Variants in PTPRS observed in about 807,000 individuals in gnomAD.
The protein encoded by PTPRS is protein tyrosine phosphatase receptor type S, also known as receptor-type tyrosine-protein phosphatase S.
PTPRS carries 63 observed loss-of-function variants against 215.3 expected under a neutral mutation model. The ratio of observed to expected loss-of-function variants is 0.29; its 90% confidence interval spans 0.24 to 0.36. The LOEUF is 0.36. PTPRS is among the 10% of genes least tolerant of loss of function. PTPRS has a pLI of 1.00. For missense variants in PTPRS, 2,258 were observed against 2,825.8 expected (o/e 0.80, Z 4.56); for synonymous variants, 1,404 against 1,191.4 (o/e 1.18, Z -3.68).
At position 5,206,377 on chromosome 19, in the gene PTPRS, C is replaced by CA. The variant is rs1162809157; in HGVS notation, c.*396_*397insT. The stretch of plus-strand genomic sequence containing the variant: ...AGCCCAGTGTCCCCAGGCTGCAGAG[C>CA]GGGGAGGAGCCCCCCGGGTCCCCCT... On this transcript the variant is annotated 3_prime_UTR_variant, in exon 38 of 38. Transcript: ENST00000262963. 1 of 250,514 alleles carries CA rather than the reference C, an allele frequency of 4.0e-6. No individual in the cohort carries two copies. Among genetic ancestry groups the CA allele is most frequent in the Non-Finnish European group, 7.7e-6 (1 of 129,940 alleles). The allele number at this position is 250,514 out of a possible 1,614,324, so 15.5% of individuals were successfully genotyped here.
rs759551231 is a variant in PTPRS at position 5,260,777 on chromosome 19, G to A, written c.595+28C>T. The A allele has an allele frequency of 5.0e-6, 8 of 1,613,278 alleles. No homozygotes were observed. The South Asian group carries it at 8.8e-5, about 18-fold the overall frequency. On this transcript the variant is annotated intron_variant, in intron 7 of 37. Coordinates refer to ENST00000262963, the MANE Select transcript of PTPRS (RefSeq NM_002850.4). Reference sequence around the variant, plus strand: ...GAGTGGGCAGCAAGAGCGAGCGTGAGTGGGTGGGTGAGTGAGGAGCCTCTT... The same window carrying A: ...GAGTGGGCAGCAAGAGCGAGCGTGAATGGGTGGGTGAGTGAGGAGCCTCTT...
intron 1 of PTPRS, among the ~76,000 whole-genome samples, chr19:5,286,720 T>C (rs2048381179): frequency 2.0e-5 from 3 of 152,084 alleles, no homozygotes; most frequent in Admixed American, 2.0e-4. Flanking sequence ...TATAAGCCAC[T>C]TGGTCTGTGG....
At chr19:5,252,029 G>C (rs1408487123) in intron 9 of PTPRS, among the ~76,000 whole-genome samples, 4 of 152,032 alleles carry the variant, frequency 2.6e-5, no homozygotes, top group Non-Finnish European at 5.9e-5. Flanking sequence ...TTTAGGGCTT[G>C]GGTATTGGAA....
At chr19:5,324,750 C>G (rs1479413157) in intron 1 of PTPRS, among the ~76,000 whole-genome samples, 3 of 152,214 alleles carry the variant, frequency 2.0e-5, no homozygotes, top group African/African-American at 4.8e-5. Flanking sequence ...AGGCTTCTCA[C>G]AGGGCTGTGC....
At chr19:5,280,454 C>G (rs2047750826) in intron 2 of PTPRS, among the ~76,000 whole-genome samples, 2 of 152,074 alleles carry the variant, frequency 1.3e-5, no homozygotes, top group Admixed American at 6.6e-5. Flanking sequence ...CGTGGTGGCT[C>G]ATGCCTGTAA....
At chr19:5,309,319 C>A (rs184461462) in intron 1 of PTPRS, among the ~76,000 whole-genome samples, 6 of 152,314 alleles carry the variant, frequency 3.9e-5, no homozygotes, top group African/African-American at 1.4e-4. Context: ...ACCTCTAGCC[C>A]CATCCAGCCC....
chr19:5,256,870 G>C (rs1381358753), intron 8 of PTPRS, among the ~76,000 whole-genome samples: 2 of 152,022 alleles, frequency 1.3e-5, no homozygotes, highest in Admixed American at 1.3e-4. Flanking sequence ...TGGTGAGTGA[G>C]GGTCTGTGGG....
intron 1 of PTPRS, among the ~76,000 whole-genome samples, chr19:5,299,984 T>G (rs2049253787): frequency 6.6e-6 from 1 of 152,160 alleles, no homozygotes; most frequent in Admixed American, 6.5e-5. Context: ...CTCCCACCTG[T>G]AATCCCAGCA....
In PTPRS at chr19:5,220,251, G is replaced by C. The variant is rs1244362898; in HGVS notation, c.3549+9C>G. On this transcript the variant is annotated intron_variant, in intron 21 of 37. Coordinates refer to ENST00000262963, the MANE Select transcript of PTPRS (RefSeq NM_002850.4). The stretch of plus-strand genomic sequence containing the variant: ...TCTGGGCCCTGCGGGTTGGGCCCCA[G>C]GCCCTCACCTCTTCCAGATCCATGT... 1.3e-5 allele frequency: 21 copies of C among 1,613,472 alleles called. No individual in the cohort carries two copies. Among genetic ancestry groups the C allele is most frequent in the Non-Finnish European group, 1.8e-5 (21 of 1,179,636 alleles).
chr19:5,260,709 T>A (rs2045921287), intron 7 of PTPRS, 96 bp downstream of exon 7: 3 of 1,471,028 alleles, frequency 2.0e-6, no homozygotes, highest in Non-Finnish European at 2.8e-6. Flanking sequence ...TGGACACGCA[T>A]GGAAGGGGGC....
intron 1 of PTPRS, among the ~76,000 whole-genome samples, chr19:5,322,609 G>A (rs945514001): frequency 1.3e-5 from 2 of 152,114 alleles, no homozygotes; most frequent in Admixed American, 6.6e-5. Flanking sequence ...GGCCGGGCGC[G>A]GTGCTCATGC....
At chr19:5,283,728 G>T (rs529287144) in intron 2 of PTPRS, among the ~76,000 whole-genome samples, 108 of 152,296 alleles carry the variant, frequency 7.1e-4, no homozygotes, top group African/African-American at 2.5e-3. Flanking sequence ...GTCCCTGAGG[G>T]AGTGTGGTCA....
intron 9 of PTPRS, among the ~76,000 whole-genome samples, chr19:5,254,570 G>GC (rs1490079173): frequency 1.3e-5 from 2 of 152,152 alleles, no homozygotes; most frequent in Admixed American, 1.3e-4. Context: ...AGAAAGAGAA[G>GC]CAGAGGGAGA....
intron 1 of PTPRS, among the ~76,000 whole-genome samples, chr19:5,307,786 G>T (rs2049547014): frequency 6.6e-6 from 1 of 152,232 alleles, no homozygotes; most frequent in Admixed American, 6.5e-5. Flanking sequence ...GTACCACGGT[G>T]CGTAGACGGA....
In PTPRS at chr19:5,244,478, G is replaced by T. The variant is rs2044300703; in HGVS notation, c.993C>A (p.Leu331=). 5 of 1,612,906 alleles carry T rather than the reference G, an allele frequency of 3.1e-6. No individual in the cohort carries two copies. The highest frequency in any genetic ancestry group is 4.2e-6 in the Non-Finnish European group (5 of 1,179,260). ...CCATGGGAGTCCCGGGAGCTTTGGG[G>T]AGAGCTGTGGGCAGGAGGCAGCTGT... is the stretch of plus-strand genomic sequence containing the variant. The part of the protein sequence containing the change: ...EAVAQITVKS[L]PKAPGTPMVT... Residue 331 remains leucine (L), a synonymous_variant, in exon 11 of 38, where the codon CTC becomes CTA. Coordinates refer to ENST00000262963, the MANE Select transcript of PTPRS (RefSeq NM_002850.4). The surrounding 1 kb of genome is among the most constrained non-coding windows in gnomAD (Gnocchi z 7.2).
chr19:5,324,964 C>T (rs190416339), intron 1 of PTPRS, among the ~76,000 whole-genome samples: 6 of 152,268 alleles, frequency 3.9e-5, no homozygotes, highest in Non-Finnish European at 8.8e-5. Context: ...GTTCTGCCAC[C>T]GTTTGGATCC....
At chr19:5,337,422 GC>G (rs2050541247) in intron 1 of PTPRS, among the ~76,000 whole-genome samples, 1 of 152,130 alleles carries the variant, frequency 6.6e-6, no homozygotes, top group South Asian at 2.1e-4. Flanking sequence ...TCCCTCTCCG[GC>G]CATCCCACTA....
chr19:5,316,069 C>T lies in PTPRS; in HGVS notation c.-95+24595G>A, dbSNP rs369879923. ...AGTAGCTGGGGCCACAGGCACACAC[C>T]ATCACACCTGGCTAATTTTTAAAAT... On this transcript the variant is annotated intron_variant, in intron 1 of 37. Transcript: ENST00000262963. 9.2e-5 allele frequency among the ~76,000 whole-genome samples: 14 copies of T among 152,022 alleles called. 1 individual carries two copies. In the East Asian group the frequency reaches 2.5e-3, roughly 27 times the overall value.
rs61729779 is a variant in PTPRS at position 5,244,463 on chromosome 19, C to A, written c.1008G>T (p.Gly336=). 1.0e-3 allele frequency: 1,686 copies of A among 1,613,764 alleles called. 1 individual carries two copies. Among genetic ancestry groups the A allele is most frequent in the Non-Finnish European group, 1.3e-3 (1,577 of 1,179,810 alleles). The change falls in exon 11 of 38, where the codon GGG becomes GGT. Residue 336 remains glycine, a synonymous_variant. Transcript: ENST00000262963. This position sits in a 1 kb window ranked among gnomAD's most constrained non-coding sequence, Gnocchi z 7.2. ...ITVKSLPKAP[G]TPMVTENTAT... Reference sequence around the variant, plus strand: ...CTGTGTTCTCAGTCACCATGGGAGTCCCGGGAGCTTTGGGGAGAGCTGTGG... The same window carrying A: ...CTGTGTTCTCAGTCACCATGGGAGTACCGGGAGCTTTGGGGAGAGCTGTGG...
Sources: gnomAD v4.1 joint callset for allele counts (sites outside exome capture counted in the v4.1 genomes callset) on GRCh38, gnomAD v4.1.1 for gene constraint, Gnocchi (gnomAD v3.1) non-coding constraint, MANE v1.5 for transcripts, NCBI Gene and HGNC (gene_info 2026-07-23, HGNC 2026-07-21) for gene names.